Variants in PPIP5K2 observed in about 807,000 individuals in gnomAD.
PPIP5K2 encodes inositol hexakisphosphate and diphosphoinositol-pentakisphosphate kinase 2.
PPIP5K2 carries 105 observed loss-of-function variants against 154.6 expected under a neutral mutation model. That is an observed-to-expected ratio of 0.68 (90% CI 0.58 to 0.80). The LOEUF is 0.80. Ranked by LOEUF, PPIP5K2 falls within the 30% of genes least tolerant of loss-of-function variation. The pLI is 0.00. For synonymous variants in PPIP5K2, 480 were observed against 490.3 expected (o/e 0.98, Z 0.28); for missense variants, 992 against 1,504.6 (o/e 0.66, Z 5.64).
At chr5:103,140,186 G>A (rs1268481485) in intron 5 of PPIP5K2, among the ~76,000 whole-genome samples, 5 of 151,362 alleles carry the variant, frequency 3.3e-5, no homozygotes, top group African/African-American at 1.2e-4. Flanking sequence ...TAGCCTCAAA[G>A]GGACAAATCC....
chr5:103,134,371 A>G (rs915604459), intron 3 of PPIP5K2, among the ~76,000 whole-genome samples: 2 of 152,190 alleles, frequency 1.3e-5, no homozygotes, highest in Admixed American at 6.5e-5. Context: ...ACTAAGAACT[A>G]TTAATTGAAA....
In PPIP5K2 at chr5:103,209,817, G is replaced by C. The variant is rs1179540565; in HGVS notation, c.*8183G>C. 6.6e-6 allele frequency: 1 copy of C among 152,028 alleles called. No homozygotes were observed. The highest frequency in any genetic ancestry group is 1.5e-5 in the Non-Finnish European group (1 of 67,990). 9.4% of individuals were successfully genotyped at this position (152,028 alleles called of 1,614,324 possible). On this transcript the variant is annotated 3_prime_UTR_variant, in exon 31 of 31. Coordinates refer to ENST00000358359, the MANE Select transcript of PPIP5K2 (RefSeq NM_001276277.3). ...GAAAGCAGAGGAGGGGTGAGACAGA[G>C]AACAAAAGAACACAGGCTCTACTGT...
At chr5:103,173,089 G>A in intron 19 of PPIP5K2, 66 bp from the exon 20 acceptor site, 1 of 1,308,094 alleles carries the variant, frequency 7.6e-7, no homozygotes, top group Non-Finnish European at 1.0e-6. Flanking sequence ...ACTAATTTAG[G>A]AGTGTATTTT....
chr5:103,136,032 C>G (rs1791439750), intron 3 of PPIP5K2: 2 of 138,952 alleles, frequency 1.4e-5, no homozygotes, highest in African/African-American at 5.5e-5. Context: ...AGTACAATGG[C>G]ACGATCTCCA....
intron 30 of PPIP5K2, among the ~76,000 whole-genome samples, chr5:103,199,835 T>G (rs1217495815): frequency 1.3e-5 from 2 of 152,188 alleles, no homozygotes; most frequent in African/African-American, 4.8e-5. Context: ...TTTTCTCTTT[T>G]TATTCGTTAT....
At chr5:103,180,219 T>A (rs1280127285) in intron 24 of PPIP5K2, 31 bp downstream of exon 24, 9 of 1,478,016 alleles carry the variant, frequency 6.1e-6, no homozygotes, top group African/African-American at 1.5e-5. Flanking sequence ...ACATTTTTCA[T>A]ACAGTAAACT....
chr5:103,173,158 T>G lies in PPIP5K2; in HGVS notation c.2290T>G (p.Tyr764Asp). 1 of 1,596,168 alleles carries G rather than the reference T, an allele frequency of 6.3e-7. No individual in the cohort carries two copies. Among genetic ancestry groups the G allele is most frequent in the Non-Finnish European group, 8.5e-7 (1 of 1,173,716 alleles). The change falls in exon 20 of 31, where the codon TAT becomes GAT. Residue 764 changes from tyrosine to aspartate, a missense_variant. Tyr to Asp is a radical substitution (Grantham distance 160, BLOSUM62 -3). Transcript: ENST00000358359. Reference protein sequence around the residue: ...ALADIVIPQEYGITKAEKLEI... With the variant: ...ALADIVIPQEDGITKAEKLEI... Reference sequence around the variant, plus strand: ...ATGTCATGTATTTTTTGCTCAGGAATATGGTATAACTAAAGCTGAAAAACT... The same window carrying G: ...ATGTCATGTATTTTTTGCTCAGGAAGATGGTATAACTAAAGCTGAAAAACT...
rs1277414240 is a variant in PPIP5K2, at chr5:103,157,767, A to G, written c.1490-421A>G. 1.1e-4 allele frequency among the ~76,000 whole-genome samples: 16 copies of G among 152,120 alleles called. 1 individual carries two copies. Among genetic ancestry groups the G allele is most frequent in the Admixed American group, 9.2e-4 (14 of 15,256 alleles). On this transcript the variant is annotated intron_variant, in intron 14 of 30. Transcript: ENST00000358359. The stretch of plus-strand genomic sequence containing the variant: ...CAACTAAGGTATTTTCTTTCATGGG[A>G]CAGCACTGCAAAGGGTGCTTGATAG...
chr5:103,153,968 A>G (rs1483671462), intron 11 of PPIP5K2, 34 bp downstream of exon 11: 1 of 1,450,986 alleles, frequency 6.9e-7, no homozygotes, highest in Non-Finnish European at 9.5e-7. Context: ...AACATGCATG[A>G]TACAATTTTA....
At chr5:103,163,988 T>C (rs562945429) in intron 17 of PPIP5K2, among the ~76,000 whole-genome samples, 1 of 152,098 alleles carries the variant, frequency 6.6e-6, no homozygotes, top group Admixed American at 6.6e-5. Context: ...GCTTCCTATT[T>C]GAGGAGAATA....
intron 21 of PPIP5K2, 194 bp downstream of exon 21, chr5:103,174,166 A>G: frequency 2.2e-6 from 1 of 448,448 alleles, no homozygotes; most frequent in Non-Finnish European, 3.9e-6. Flanking sequence ...CAGAGAAGAT[A>G]CATTTAAGCA....
intron 27 of PPIP5K2, 135 bp downstream of exon 27, chr5:103,186,574 C>T: frequency 3.3e-6 from 4 of 1,229,536 alleles, no homozygotes; most frequent in Non-Finnish European, 4.6e-6. Context: ...AAATGACTAT[C>T]AGTGCTCTCT....
rs1803616638 is a variant in PPIP5K2, at chr5:103,208,124, C to G, written c.*6490C>G. On this transcript the variant is annotated 3_prime_UTR_variant, in exon 31 of 31. Transcript: ENST00000358359. ...TTTTTTTTTGAGATGGAGTTTTACT[C>G]TTGTTGCCTAGGCTGGAGTGCAGTG... 1 of 145,642 alleles carries G rather than the reference C, an allele frequency of 6.9e-6. No individual in the cohort carries two copies. Among genetic ancestry groups the G allele is most frequent in the Non-Finnish European group, 1.5e-5 (1 of 66,716 alleles). The allele number at this position is 145,642 out of a possible 1,614,324, so 9.0% of individuals were successfully genotyped here. A position where few individuals can be genotyped will look rare whatever the true frequency, so the allele number is the denominator to read the frequency against.
In PPIP5K2 at chr5:103,167,338, A is replaced by C; in HGVS notation, c.2062+18A>C. 1 of 1,534,628 alleles carries C rather than the reference A, an allele frequency of 6.5e-7. No homozygotes were observed. Among genetic ancestry groups the C allele is most frequent in the Non-Finnish European group, 8.8e-7 (1 of 1,140,816 alleles). Reference sequence around the variant, plus strand: ...ATCATCAGGTAAATATGTTTTTCTTAGAGCATAGAACAAATAAAAGTTACT... The same window carrying C: ...ATCATCAGGTAAATATGTTTTTCTTCGAGCATAGAACAAATAAAAGTTACT... On this transcript the variant is annotated intron_variant, in intron 18 of 30. Transcript: ENST00000358359.
Position 103,186,352 on chromosome 5 carries a change from GTGCTCGGGGGT to G in PPIP5K2, c.3204_3214del (p.Leu1069PhefsTer5). Reference sequence around the variant, plus strand: ...CTGTGCGGGCCTGTTTAGCACCTCGGTGCTCGGGGGTTCTTCAAGCGCACCTAACCTACAGG... The same window carrying G: ...CTGTGCGGGCCTGTTTAGCACCTCGGTCTTCAAGCGCACCTAACCTACAGG... On this transcript the variant is annotated frameshift_variant, in exon 27 of 31. Transcript: ENST00000358359. LOFTEE classifies it high-confidence loss of function. The G allele has an allele frequency of 6.2e-7, 1 of 1,613,836 alleles. No individual in the cohort carries two copies. Among genetic ancestry groups the G allele is most frequent in the Non-Finnish European group, 8.5e-7 (1 of 1,179,872 alleles).
chr5:103,157,158 A>T (rs1554213751), intron 14 of PPIP5K2, among the ~76,000 whole-genome samples: 2 of 152,192 alleles, frequency 1.3e-5, no homozygotes, highest in African/African-American at 4.8e-5. Context: ...AAGAATGATT[A>T]TTAAGTTCTT....
chr5:103,162,649 C>T (rs1362396766), intron 17 of PPIP5K2, among the ~76,000 whole-genome samples: 1 of 152,114 alleles, frequency 6.6e-6, no homozygotes, highest in Non-Finnish European at 1.5e-5. Context: ...AGGCATGAGC[C>T]ACCATGCCCA....
At chr5:103,183,431 A>G (rs782695315) in intron 25 of PPIP5K2, 24 bp downstream of exon 25, 1 of 1,582,704 alleles carries the variant, frequency 6.3e-7, no homozygotes, top group Non-Finnish European at 8.6e-7. Flanking sequence ...ACTTCATTAA[A>G]CATTTTTCCT....
rs781826054 is a variant in PPIP5K2 at position 103,152,701 on chromosome 5, C to T, written c.1082C>T (p.Pro361Leu). The T allele has an allele frequency of 1.3e-6, 2 of 1,596,162 alleles. No homozygotes were observed. Among genetic ancestry groups the T allele is most frequent in the East Asian group, 4.5e-5 (2 of 44,572 alleles). Reference sequence around the variant, plus strand: ...CAATTTCATATTCCATGGTCAATACCCTTAGAAGCTGAAGATATCCCAATT... The same window carrying T: ...CAATTTCATATTCCATGGTCAATACTCTTAGAAGCTGAAGATATCCCAATT... ...APQFHIPWSI[P>L]LEAEDIPIVP... The change falls in exon 10 of 31, where the codon CCC (proline) becomes CTC (leucine). Residue 361 changes from proline to leucine, a missense_variant. Pro to Leu is a moderately conservative substitution (Grantham distance 98). This residue lies in a region of PPIP5K2 where 163 missense variants were observed against 285.2 expected (regional missense o/e 0.57). Transcript: ENST00000358359.
Sources: allele counts gnomAD v4.1 joint callset (sites outside exome capture counted in the v4.1 genomes callset), GRCh38; gene constraint gnomAD v4.1.1; regional missense constraint gnomAD v4.1.1; transcripts MANE v1.5; gene names NCBI Gene and HGNC (gene_info 2026-07-23, HGNC 2026-07-21).